Variants in IL13RA2 observed in about 807,000 individuals in gnomAD.
IL13RA2 encodes the protein interleukin 13 receptor subunit alpha 2.
In IL13RA2, 25 loss-of-function variants were observed where a neutral mutation model predicts 34.1. The ratio of observed to expected loss-of-function variants is 0.73; its 90% CI spans 0.53 to 1.03. The LOEUF (loss-of-function observed/expected upper bound fraction) is 1.03. Ranked by LOEUF, IL13RA2 falls within the 50% of genes least tolerant of loss-of-function variation. The probability of loss-of-function intolerance (pLI) is 0.00; values close to 1 mark genes in which losing one functional copy is unlikely to be tolerated. For missense variants in IL13RA2, 297 were observed against 280.9 expected, an observed-to-expected ratio of 1.06 and a Z score of -0.41; for synonymous variants, 106 against 100.4, an observed-to-expected ratio of 1.06 and a Z score of -0.33.
At chrX:115,016,792 T>C (rs1243995050) in intron 2 of IL13RA2, among the ~76,000 whole-genome samples, 1 of 108,909 alleles carries the variant, frequency 9.2e-6, no homozygotes, top group African/African-American at 3.3e-5. Context: ...TGTACCTTTT[T>C]AATGTATCTA....
intron 7 of IL13RA2, among the ~76,000 whole-genome samples, chrX:115,008,444 CA>C (rs1483396032): frequency 9.0e-6 from 1 of 111,505 alleles, no homozygotes; most frequent in Non-Finnish European, 1.9e-5. Flanking sequence ...ACTCAGTTAC[CA>C]AAAGACAGAG....
intron 9 of IL13RA2, 119 bp from the exon 10 acceptor site, chrX:115,004,225 CACATTCACTTTT>C: frequency 2.4e-6 from 1 of 413,439 alleles, no homozygotes; most frequent in Non-Finnish European, 4.3e-6. Context: ...GCATTCTATA[CACATTCACTTTT>C]CTCTCTATCT....
Position 115,014,872 on chromosome X carries a change from A to G in IL13RA2, c.247-298T>C, listed in dbSNP as rs782817835. Among the ~76,000 whole-genome samples, 49 of 111,949 alleles carry G rather than the reference A, an allele frequency of 4.4e-4. No homozygotes were observed. The Middle Eastern group carries it at 0.014, about 32-fold the overall frequency. On this transcript the variant is annotated intron_variant, in intron 3 of 9. Coordinates refer to ENST00000243213, the MANE Select transcript of IL13RA2 (RefSeq NM_000640.3). ...TTGAGCTATATCTGCTTGGAATCAA[A>G]TAGATAATTTTCATATACCATAGGC...
At position 115,017,577 on chromosome X, in the gene IL13RA2, G is replaced by C. The variant is rs1324811095; in HGVS notation, c.-58C>G. ...CCTCCCCGCCGACAGGCACACTTCT[G>C]ACCAGGTTATGGCGACTTCAAATAG... On this transcript the variant is annotated 5_prime_UTR_variant, in exon 1 of 10. Coordinates refer to ENST00000243213, the MANE Select transcript of IL13RA2 (RefSeq NM_000640.3). 1 of 216,828 alleles carries C rather than the reference G, an allele frequency of 4.6e-6. No individual in the cohort carries two copies. The highest frequency in any genetic ancestry group is 1.5e-4 in the East Asian group (1 of 6,714). The allele number at this position is 216,828 out of a possible 1,213,427, so 17.9% of individuals were successfully genotyped here. A position where few individuals can be genotyped will look rare whatever the true frequency, so the allele number is the denominator to read the frequency against.
At chrX:115,015,842 A>G (rs782593135) in intron 2 of IL13RA2, 21 bp from the exon 3 acceptor site, 37 of 1,070,206 alleles carry the variant, frequency 3.5e-5, no homozygotes, top group Non-Finnish European at 4.2e-5. Context: ...TCAATAAAAC[A>G]CTTTTATTTT....
chrX:115,008,106 T>C, intron 7 of IL13RA2, 30 bp from the exon 8 acceptor site: 2 of 1,035,899 alleles, frequency 1.9e-6, no homozygotes, highest in Non-Finnish European at 2.7e-6. Flanking sequence ...TCAGATGCCA[T>C]TATTTGATCT....
At chrX:115,006,457 C>T (rs782727093) in intron 8 of IL13RA2, among the ~76,000 whole-genome samples, 1 of 111,187 alleles carries the variant, frequency 9.0e-6, no homozygotes, top group African/African-American at 3.3e-5. Flanking sequence ...CCGAGGTGGA[C>T]GGATCACTTG....
rs1556507007 is a variant in IL13RA2 at position 115,004,123 on chromosome X, T to C, written c.1117-17A>G. The C allele has an allele frequency of 4.4e-6, 4 of 914,018 alleles. No homozygotes were observed. Among genetic ancestry groups the C allele is most frequent in the Non-Finnish European group, 6.3e-6 (4 of 630,808 alleles). 75.3% of individuals were successfully genotyped at this position (914,018 alleles called of 1,213,427 possible). A position where few individuals can be genotyped will look rare whatever the true frequency, so the allele number is the denominator to read the frequency against. ...TTCTGGAATCTAGAAAGAACTCTGT[T>C]ATTAACAAGTCATCTCTAATAACAC... is the stretch of plus-strand genomic sequence containing the variant. On this transcript the variant is annotated splice_polypyrimidine_tract_variant and intron_variant, in intron 9 of 9. Transcript: ENST00000243213.
intron 4 of IL13RA2, 42 bp downstream of exon 4, chrX:115,014,379 G>C: frequency 9.9e-7 from 1 of 1,007,919 alleles, no homozygotes; most frequent in Non-Finnish European, 1.4e-6. Context: ...CAAATGAATT[G>C]TTCTGATAGT....
At chrX:115,005,427 C>T in intron 8 of IL13RA2, 112 bp from the exon 9 acceptor site, 1 of 521,501 alleles carries the variant, frequency 1.9e-6, no homozygotes, top group Non-Finnish European at 3.4e-6. Context: ...AAACCCCTGT[C>T]ATATTTGCCA....
At chrX:115,007,700 A>C (rs2071690562) in intron 8 of IL13RA2, among the ~76,000 whole-genome samples, 1 of 111,840 alleles carries the variant, frequency 8.9e-6, no homozygotes, top group Non-Finnish European at 1.9e-5. Context: ...CTATATTGAC[A>C]GAAAAACAAG....
rs782169581 is a variant in IL13RA2, at chrX:115,010,802, T to G, written c.548A>C (p.Gln183Pro). 8 of 1,105,019 alleles carry G rather than the reference T, an allele frequency of 7.2e-6. No individual in the cohort carries two copies. The South Asian group carries it at 1.8e-4, about 25-fold the overall frequency. The allele number at this position is 1,105,019 out of a possible 1,213,427, so 91.1% of individuals were successfully genotyped here. Residue 183 changes from glutamine to proline, a missense_variant, in exon 6 of 10, where the codon CAG becomes CCG. Transcript: ENST00000243213. ...YWYEGLDHAL[Q>P]CVDYIKADGQ... is the part of the protein sequence containing the mutation. Reference sequence around the variant, plus strand: ...ATCAGCCTTGATGTAATCAACACACTGTAATGCATGATCCAAGCCCTCATA... The same window carrying G: ...ATCAGCCTTGATGTAATCAACACACGGTAATGCATGATCCAAGCCCTCATA...
At chrX:115,010,206 G>A (rs782672826) in intron 6 of IL13RA2, among the ~76,000 whole-genome samples, 31 of 110,875 alleles carry the variant, frequency 2.8e-4, no homozygotes, top group Non-Finnish European at 5.1e-4. Context: ...TTTAAACCCA[G>A]GTCTGGCAGA....
Position 115,015,818 on chromosome X carries a change from T to C in IL13RA2, c.98A>G (p.Asn33Ser). The C allele has an allele frequency of 8.7e-7, 1 of 1,147,487 alleles. No individual in the cohort carries two copies. The allele number at this position is 1,147,487 out of a possible 1,213,427, so 94.6% of individuals were successfully genotyped here. A position where few individuals can be genotyped will look rare whatever the true frequency, so the allele number is the denominator to read the frequency against. ...TSSSDTEIKVNPPQDFEIVDP... is the reference protein window; with the variant it reads ...TSSSDTEIKVSPPQDFEIVDP... ...CACTATCTCAAAATCCTGAGGAGGG[T>C]TAACTGAAATAAATCAATAAAACAC... The change falls in exon 3 of 10, where the codon AAC becomes AGC. Residue 33 changes from asparagine to serine, a missense_variant. By Grantham distance (46) the Asn-to-Ser change is conservative (BLOSUM62 1). Transcript: ENST00000243213.
At chrX:115,007,874 A>T (rs2071691187) in intron 8 of IL13RA2, 58 bp downstream of exon 8, 1 of 720,073 alleles carries the variant, frequency 1.4e-6, no homozygotes, top group African/African-American at 2.2e-5. Context: ...ACACCAAAAG[A>T]AAATTAATTT....
At chrX:115,011,792 A>G (rs781987448) in intron 5 of IL13RA2, among the ~76,000 whole-genome samples, 17 of 111,900 alleles carry the variant, frequency 1.5e-4, no homozygotes, top group Admixed American at 1.1e-3. Context: ...TTATTTTCCA[A>G]TCTCTAAAAT....
At chrX:115,006,163 T>C (rs1556507543) in intron 8 of IL13RA2, among the ~76,000 whole-genome samples, 7 of 112,217 alleles carry the variant, frequency 6.2e-5, no homozygotes. Context: ...TGATGTAAGT[T>C]ATCTGTCATG....
chrX:115,012,765 C>G (rs1204457056), intron 5 of IL13RA2, among the ~76,000 whole-genome samples: 3 of 85,715 alleles, frequency 3.5e-5, no homozygotes, highest in African/African-American at 6.4e-5. Flanking sequence ...ACTCTTGTCT[C>G]AAACAAACAA....
At chrX:115,008,816 T>C (rs1265917925) in intron 7 of IL13RA2, among the ~76,000 whole-genome samples, 1 of 112,053 alleles carries the variant, frequency 8.9e-6, no homozygotes, top group Non-Finnish European at 1.9e-5. Context: ...CAACATAATG[T>C]AGTGTAGACT....
Sources: allele counts gnomAD v4.1 joint callset (sites outside exome capture counted in the v4.1 genomes callset), GRCh38; gene constraint gnomAD v4.1.1; transcripts MANE v1.5; gene names NCBI Gene and HGNC (gene_info 2026-07-23, HGNC 2026-07-21).